Variants in PLEKHA8 observed in about 807,000 individuals in gnomAD.
The protein encoded by PLEKHA8 is pleckstrin homology domain-containing family A member 8.
A neutral mutation model predicts 68.2 loss-of-function variants in PLEKHA8; 36 were observed. The observed-to-expected ratio is 0.53, with a 90% CI of 0.40 to 0.70. The LOEUF (loss-of-function observed/expected upper bound fraction) is 0.70, where lower values mean the gene tolerates loss of function less well. PLEKHA8 is among the 30% of genes least tolerant of loss of function. The pLI is 0.00. For synonymous variants in PLEKHA8, 211 were observed against 216.1 expected (o/e 0.98, Z 0.20); for missense variants, 505 against 615.4 (o/e 0.82, Z 1.90).
intron 13 of PLEKHA8, among the ~76,000 whole-genome samples, chr7:30,098,246 G>A (rs932576704): frequency 2.0e-5 from 3 of 152,244 alleles, no homozygotes; most frequent in African/African-American, 4.8e-5. Flanking sequence ...ACTGGGGAGT[G>A]CCTCCCAGTT....
chr7:30,043,045 A>G (rs1205800066), intron 1 of PLEKHA8, among the ~76,000 whole-genome samples: 1 of 146,860 alleles, frequency 6.8e-6, no homozygotes, highest in African/African-American at 2.5e-5. Flanking sequence ...ACTCTCACTC[A>G]GGTTGGAGTG....
chr7:30,051,147 G>A (rs1583810448), intron 6 of PLEKHA8, among the ~76,000 whole-genome samples: 1 of 152,104 alleles, frequency 6.6e-6, no homozygotes, highest in Non-Finnish European at 1.5e-5. Flanking sequence ...CAATTCACCC[G>A]CCTTGGTCTC....
chr7:30,128,333 C>A (rs1796817121), intron 13 of PLEKHA8, among the ~76,000 whole-genome samples: 1 of 152,132 alleles, frequency 6.6e-6, no homozygotes, highest in African/African-American at 2.4e-5. Flanking sequence ...TCTCAAACAC[C>A]TGAGCTCAAG....
At position 30,083,056 on chromosome 7, in the gene PLEKHA8, T is replaced by A; in HGVS notation, c.*4269T>A. On this transcript the variant is annotated 3_prime_UTR_variant, in exon 14 of 14. Transcript: ENST00000449726. ...TTTAAGATAATCTATCAACCTTTTT[T>A]AAATTTTAAAATTTTTAGATGTAGA... is the stretch of plus-strand genomic sequence containing the variant. 2 of 981,794 alleles carry A rather than the reference T, an allele frequency of 2.0e-6. No individual in the cohort carries two copies. Among genetic ancestry groups the A allele is most frequent in the Non-Finnish European group, 2.4e-6 (2 of 826,654 alleles). The allele number at this position is 981,794 out of a possible 1,614,324, so 60.8% of individuals were successfully genotyped here.
At chr7:30,124,919 A>T (rs1583493786) in intron 13 of PLEKHA8, among the ~76,000 whole-genome samples, 1 of 152,038 alleles carries the variant, frequency 6.6e-6, no homozygotes, top group Non-Finnish European at 1.5e-5. Flanking sequence ...TCCCAAAAAA[A>T]TTAGATCTTA....
chr7:30,050,688 T>C, intron 6 of PLEKHA8: 4 of 497,228 alleles, frequency 8.0e-6, no homozygotes, highest in South Asian at 3.5e-5. Flanking sequence ...ATGTTGGCAT[T>C]TTCCCTAAGA....
At chr7:30,128,450 G>C (rs1260773953) in intron 13 of PLEKHA8, among the ~76,000 whole-genome samples, 1 of 152,132 alleles carries the variant, frequency 6.6e-6, no homozygotes, top group Non-Finnish European at 1.5e-5. Flanking sequence ...TCATCTGTGG[G>C]TTAAGTCACA....
rs749749909 is a variant in PLEKHA8, at chr7:30,084,591, G to C, written c.*5804G>C. On this transcript the variant is annotated 3_prime_UTR_variant, in exon 14 of 14. Coordinates refer to ENST00000449726, the MANE Select transcript of PLEKHA8 (RefSeq NM_001197026.2). ...AGGGTTTTACTTTTTTTGCAAAAATGTTTGAAAATATCTGTCAGATTTTAT... is the reference window on the plus strand; with the variant it reads ...AGGGTTTTACTTTTTTTGCAAAAATCTTTGAAAATATCTGTCAGATTTTAT... 1.0e-6 allele frequency: 1 copy of C among 967,024 alleles called. No homozygotes were observed. The highest frequency in any genetic ancestry group is 1.8e-5 in the African/African-American group (1 of 56,852). 59.9% of individuals were successfully genotyped at this position (967,024 alleles called of 1,614,324 possible). A position where few individuals can be genotyped will look rare whatever the true frequency, so the allele number is the denominator to read the frequency against.
chr7:30,123,102 C>G (rs999674633), intron 13 of PLEKHA8, among the ~76,000 whole-genome samples: 2 of 152,174 alleles, frequency 1.3e-5, no homozygotes, highest in Non-Finnish European at 2.9e-5. Flanking sequence ...TAGAACCCAC[C>G]TCTCCATTTT....
chr7:30,125,629 T>G (rs1796759833), intron 13 of PLEKHA8, among the ~76,000 whole-genome samples: 2 of 152,202 alleles, frequency 1.3e-5, no homozygotes, highest in Non-Finnish European at 1.5e-5. Flanking sequence ...AATCCTAATT[T>G]CAGTTATTAC....
intron 1 of PLEKHA8, among the ~76,000 whole-genome samples, chr7:30,037,054 C>T (rs918520130): frequency 6.6e-6 from 1 of 152,058 alleles, no homozygotes; most frequent in Non-Finnish European, 1.5e-5. Context: ...TGTGGCTGAG[C>T]GCTTAGGTTG....
At chr7:30,063,525 G>C (rs1392685080) in intron 12 of PLEKHA8, among the ~76,000 whole-genome samples, 1 of 152,146 alleles carries the variant, frequency 6.6e-6, no homozygotes, top group Non-Finnish European at 1.5e-5. Context: ...AAACTAATTA[G>C]ATGCTTCTGG....
intron 13 of PLEKHA8, among the ~76,000 whole-genome samples, chr7:30,102,249 T>C (rs1434620263): frequency 6.6e-6 from 1 of 152,244 alleles, no homozygotes; most frequent in East Asian, 1.9e-4. Context: ...CCTACCAGCA[T>C]GGCTATAATA....
intron 13 of PLEKHA8, 114 bp downstream of exon 13, chr7:30,074,246 TTGTGTGTGTGTGTG>T: frequency 2.0e-6 from 1 of 487,884 alleles, no homozygotes; most frequent in Non-Finnish European, 3.6e-6. Flanking sequence ...AGAAACAAAG[TTGTGTGTGTGTGTG>T]TGTGTGTGTG....
At chr7:30,056,741 AAGTGTGTGTGTGTGTGTGT>A (rs1278476258) in intron 9 of PLEKHA8, among the ~76,000 whole-genome samples, 1 of 72,196 alleles carries the variant, frequency 1.4e-5, no homozygotes, top group African/African-American at 4.8e-5. Flanking sequence ...AAAAAAAAAA[AAGTGTGTGTGTGTGTGTGT>A]GTGTGTGTGT....
At chr7:30,071,105 A>G (rs556632551) in intron 12 of PLEKHA8, among the ~76,000 whole-genome samples, 3 of 152,354 alleles carry the variant, frequency 2.0e-5, no homozygotes, top group Admixed American at 6.5e-5. Context: ...AAAGGATTAT[A>G]GGTTTCTTTA....
intron 13 of PLEKHA8, chr7:30,115,725 C>CATACGTGCACATACATGT (rs1562557694): frequency 1.0e-3 from 118 of 114,474 alleles, no homozygotes; most frequent in African/African-American, 1.6e-3. Context: ...CGCATGCATG[C>CATACGTGCACATACATGT]ATACACGTAT....
At chr7:30,061,822 A>G in intron 10 of PLEKHA8, 75 bp from the exon 11 acceptor site, 1 of 1,546,814 alleles carries the variant, frequency 6.5e-7, no homozygotes, top group Non-Finnish European at 8.8e-7. Flanking sequence ...CAAACTTACA[A>G]GTCTCCAGAC....
At chr7:30,042,388 T>C (rs1360479536) in intron 1 of PLEKHA8, among the ~76,000 whole-genome samples, 1 of 152,190 alleles carries the variant, frequency 6.6e-6, no homozygotes, top group African/African-American at 2.4e-5. Flanking sequence ...CAAATACAGA[T>C]GGGTCTTAAA....
Sources: gnomAD v4.1 joint callset for allele counts (sites outside exome capture counted in the v4.1 genomes callset) on GRCh38, gnomAD v4.1.1 for gene constraint, MANE v1.5 for transcripts, NCBI Gene and HGNC (gene_info 2026-07-23, HGNC 2026-07-21) for gene names.